HDAC9: variants seen among roughly 807,000 people sequenced by gnomAD.
The protein encoded by HDAC9 is MEF-2 interacting transcription repressor (MITR) protein.
HDAC9 carries 41 observed loss-of-function variants against 139.4 expected under a neutral mutation model. The ratio of observed to expected loss-of-function variants is 0.29; its 90% CI spans 0.23 to 0.38. The LOEUF (loss-of-function observed/expected upper bound fraction) is 0.38. HDAC9 is among the 10% of genes least tolerant of loss of function. The pLI, the probability that HDAC9 is intolerant of heterozygous loss-of-function variation, is 1.00. For missense variants in HDAC9, 1,147 were observed against 1,297.0 expected (o/e 0.88, Z 1.78); for synonymous variants, 517 against 476.2 (o/e 1.09, Z -1.12).
chr7:18,611,650 G>A (rs1308595945), intron 6 of HDAC9, among the ~76,000 whole-genome samples: 7 of 152,002 alleles, frequency 4.6e-5, no homozygotes, highest in South Asian at 2.1e-4. Context: ...CTTTGAACAC[G>A]AATAAGTGAT....
At chr7:18,802,632 T>C (rs370565206) in intron 17 of HDAC9, among the ~76,000 whole-genome samples, 1 of 61,030 alleles carries the variant, frequency 1.6e-5, no homozygotes, top group Non-Finnish European at 3.1e-5. Flanking sequence ...TCATGATAGA[T>C]TTTTTTATCT....
chr7:18,475,683 G>A (rs911274076), intron 1 of HDAC9, among the ~76,000 whole-genome samples: 2 of 152,134 alleles, frequency 1.3e-5, no homozygotes, highest in African/African-American at 4.8e-5. Context: ...TTTTAAAACA[G>A]CTAATTGCCT....
chr7:18,387,440 G>A (rs781245070), intron 1 of HDAC9, among the ~76,000 whole-genome samples: 1 of 152,224 alleles, frequency 6.6e-6, no homozygotes, highest in African/African-American at 2.4e-5. Flanking sequence ...CAAATTGCCT[G>A]TGTTGTATTT....
At chr7:18,424,904 A>G (rs1477986553) in intron 1 of HDAC9, among the ~76,000 whole-genome samples, 2 of 152,206 alleles carry the variant, frequency 1.3e-5, no homozygotes, top group Non-Finnish European at 2.9e-5. Flanking sequence ...CTATATCTCA[A>G]TTAAATAATA....
At chr7:18,585,967 G>C (rs1013583191) in intron 3 of HDAC9, among the ~76,000 whole-genome samples, 4 of 152,156 alleles carry the variant, frequency 2.6e-5, no homozygotes, top group Non-Finnish European at 5.9e-5. Flanking sequence ...TGGTGTATAA[G>C]TAGATGTTCT....
intron 2 of HDAC9, among the ~76,000 whole-genome samples, chr7:18,256,973 C>A (rs1314655725): frequency 1.3e-5 from 2 of 151,882 alleles, no homozygotes; most frequent in African/African-American, 4.8e-5. Context: ...TCTGAGGTCC[C>A]AGCTACTTGG....
intron 12 of HDAC9, among the ~76,000 whole-genome samples, chr7:18,712,836 C>A (rs1347048740): frequency 6.6e-6 from 1 of 152,048 alleles, no homozygotes; most frequent in Non-Finnish European, 1.5e-5. Context: ...TATTTTATGT[C>A]TTTCAAGGAG....
At chr7:18,278,976 G>A (rs1796923217) in intron 2 of HDAC9, among the ~76,000 whole-genome samples, 1 of 152,246 alleles carries the variant, frequency 6.6e-6, no homozygotes, top group African/African-American at 2.4e-5. Context: ...ACACAGATAC[G>A]GACGTTTGGG....
chr7:18,130,380 G>C (rs1176440360), intron 1 of HDAC9, among the ~76,000 whole-genome samples: 4 of 152,110 alleles, frequency 2.6e-5, no homozygotes, highest in Non-Finnish European at 5.9e-5. Context: ...ATGAGGGACG[G>C]TGATGCTGTT....
chr7:18,585,738 A>G (rs1026071405), intron 3 of HDAC9, among the ~76,000 whole-genome samples: 8 of 152,134 alleles, frequency 5.3e-5, no homozygotes, highest in Admixed American at 2.6e-4. Flanking sequence ...ATCCTTTAGC[A>G]CATAGAATCA....
At chr7:18,822,840 A>G (rs1011927003) in intron 17 of HDAC9, among the ~76,000 whole-genome samples, 1 of 152,220 alleles carries the variant, frequency 6.6e-6, no homozygotes, top group African/African-American at 2.4e-5. Flanking sequence ...AAATGGGGAT[A>G]ATAATATTAT....
intron 16 of HDAC9, among the ~76,000 whole-genome samples, chr7:18,779,694 T>A (rs1791080177): frequency 1.3e-5 from 2 of 152,042 alleles, no homozygotes; most frequent in South Asian, 4.1e-4. Flanking sequence ...GAGGATCAAA[T>A]GTGATAATGT....
chr7:18,932,894 T>C (rs1804905034), intron 22 of HDAC9, among the ~76,000 whole-genome samples: 2 of 111,524 alleles, frequency 1.8e-5, no homozygotes, highest in South Asian at 5.3e-4. Context: ...GTCCTGACTT[T>C]CTTCTCCATG....
chr7:18,858,444 G>C (rs1227221752), intron 21 of HDAC9, among the ~76,000 whole-genome samples: 1 of 152,130 alleles, frequency 6.6e-6, no homozygotes, highest in South Asian at 2.1e-4. Flanking sequence ...GCTCTCATGA[G>C]AACTCAATAT....
chr7:18,623,703 G>A (rs1044414247), intron 6 of HDAC9, among the ~76,000 whole-genome samples: 1 of 152,104 alleles, frequency 6.6e-6, no homozygotes, highest in African/African-American at 2.4e-5. Flanking sequence ...CAACACTTTG[G>A]CAGGCCAAGG....
At chr7:18,943,661 A>T (rs943665386) in intron 23 of HDAC9, among the ~76,000 whole-genome samples, 3 of 152,072 alleles carry the variant, frequency 2.0e-5, no homozygotes, top group Non-Finnish European at 4.4e-5. Flanking sequence ...TTAATAGAAC[A>T]ATAACTACAG....
chr7:18,321,821 T>C (rs548906169), intron 1 of HDAC9, among the ~76,000 whole-genome samples: 3 of 152,326 alleles, frequency 2.0e-5, no homozygotes, highest in Admixed American at 2.0e-4. Flanking sequence ...CCACTTCTTT[T>C]AAATTGGAGA....
intron 1 of HDAC9, among the ~76,000 whole-genome samples, chr7:18,387,598 A>T (rs1786060261): frequency 6.6e-6 from 1 of 152,220 alleles, no homozygotes; most frequent in African/African-American, 2.4e-5. Context: ...AGAAATTCCA[A>T]CTGAAGTAGT....
chr7:18,348,785 C>G (rs1782618786), intron 1 of HDAC9, among the ~76,000 whole-genome samples: 2 of 152,080 alleles, frequency 1.3e-5, no homozygotes, highest in South Asian at 4.1e-4. Context: ...CTTCTTGCAA[C>G]ACTATTAAAA....
Sources: allele counts gnomAD v4.1 joint callset (sites outside exome capture counted in the v4.1 genomes callset), GRCh38; gene constraint gnomAD v4.1.1; transcripts MANE v1.5; gene names NCBI Gene and HGNC (gene_info 2026-07-23, HGNC 2026-07-21).